Variants in TBC1D30 observed in about 807,000 individuals in gnomAD.
TBC1D30 encodes the protein TBC1 domain family, member 30.
In TBC1D30, 31 loss-of-function variants were observed where a neutral mutation model predicts 63.2. The ratio of observed to expected loss-of-function variants is 0.49; its 90% confidence interval spans 0.37 to 0.66. The LOEUF (loss-of-function observed/expected upper bound fraction) is 0.66. Ranked by LOEUF, TBC1D30 falls within the 30% of genes least tolerant of loss-of-function variation. TBC1D30 has a pLI of 0.00. For synonymous variants in TBC1D30, 307 were observed against 361.5 expected (o/e 0.85, Z 1.71); for missense variants, 810 against 953.6 (o/e 0.85, Z 1.98).
intron 8 of TBC1D30, among the ~76,000 whole-genome samples, chr12:64,848,962 C>A (rs7488992): frequency 0.072 from 10,923 of 152,194 alleles, 751 homozygotes; most frequent in African/African-American, 0.18. Context: ...TTAATGATTG[C>A]CATTCTAACT....
intron 9 of TBC1D30, 132 bp from the exon 10 acceptor site, chr12:64,866,632 G>T (rs1011389317): frequency 1.6e-5 from 14 of 887,696 alleles, no homozygotes; most frequent in Non-Finnish European, 2.2e-5. Flanking sequence ...CAGAGATGGG[G>T]TTTCACAATG....
At chr12:64,783,770 G>A (rs1014157375) in intron 1 of TBC1D30, among the ~76,000 whole-genome samples, 5 of 150,848 alleles carry the variant, frequency 3.3e-5, no homozygotes, top group Non-Finnish European at 7.4e-5. Context: ...TTTTGTGGAG[G>A]AAAAGTATAA....
rs1342867614 is a variant in TBC1D30, at chr12:64,836,504, T to G, written c.609T>G (p.Leu203=). Residue 203 remains leucine (L), a synonymous_variant, in exon 6 of 12, where the codon CTT becomes CTG. Coordinates refer to ENST00000539867, the MANE Select transcript of TBC1D30 (RefSeq NM_015279.2). ...TTTTTCTTTAGATTATGATTTACCT[T>G]ATTGATAAGGTACTTCCCGAAAGCT... is the stretch of plus-strand genomic sequence containing the variant. ...EGDALKIMIY[L]IDKVLPESYF... 6.5e-7 allele frequency: 1 copy of G among 1,535,776 alleles called. No individual in the cohort carries two copies. The highest frequency in any genetic ancestry group is 8.7e-7 in the Non-Finnish European group (1 of 1,146,680).
upstream of TBC1D30, among the ~76,000 whole-genome samples, chr12:64,821,411 G>C (rs952850656): frequency 6.6e-6 from 1 of 152,196 alleles, no homozygotes; most frequent in Non-Finnish European, 1.5e-5. Flanking sequence ...GTAGAACAGA[G>C]CTGATTGCTT....
rs531393503 is a variant in TBC1D30 at position 64,860,958 on chromosome 12, G to A, written c.1039-3710G>A. ...GAAGAATAAGGCAACATCTCATTTC[G>A]CTTACAGTTTAAACGTTGCCAGAAG... On this transcript the variant is annotated intron_variant, in intron 8 of 11. Transcript: ENST00000539867. Among the ~76,000 whole-genome samples the A allele has an allele frequency of 7.9e-5, 12 of 152,294 alleles. No homozygotes were observed. The South Asian group carries it at 8.3e-4, about 11-fold the overall frequency.
intron 11 of TBC1D30, among the ~76,000 whole-genome samples, chr12:64,874,718 T>A (rs1488165692): frequency 2.0e-5 from 3 of 152,042 alleles, no homozygotes. Context: ...AAAAAAAAAA[T>A]TAGGGAGTCC....
At chr12:64,844,156 T>G (rs1233750755) in intron 8 of TBC1D30, among the ~76,000 whole-genome samples, 1 of 152,198 alleles carries the variant, frequency 6.6e-6, no homozygotes, top group Non-Finnish European at 1.5e-5. Context: ...TAAAAAAGAT[T>G]ATTCTCATCA....
At chr12:64,851,198 T>C (rs896222253) in intron 8 of TBC1D30, among the ~76,000 whole-genome samples, 12 of 151,332 alleles carry the variant, frequency 7.9e-5, no homozygotes, top group African/African-American at 2.9e-4. Flanking sequence ...TCTGTCTATT[T>C]TGTTAATCTT....
intron 2 of TBC1D30, among the ~76,000 whole-genome samples, chr12:64,805,078 G>A (rs535261739): frequency 6.6e-6 from 1 of 152,112 alleles, no homozygotes; most frequent in South Asian, 2.1e-4. Context: ...GGCGGGGCCT[G>A]TAATCCCAGC....
upstream of TBC1D30, chr12:64,824,473 A>T: frequency 5.8e-6 from 1 of 173,548 alleles, no homozygotes; most frequent in East Asian, 1.6e-4. Context: ...CCCCGAACGC[A>T]GTTACGCGCC....
At chr12:64,870,577 C>T in intron 10 of TBC1D30, 25 bp from the exon 11 acceptor site, 3 of 1,532,366 alleles carry the variant, frequency 2.0e-6, no homozygotes, top group Non-Finnish European at 2.6e-6. Flanking sequence ...CGACCATCTC[C>T]TTATGTCTCA....
At chr12:64,796,844 C>T (rs1565645965) in intron 2 of TBC1D30, among the ~76,000 whole-genome samples, 1 of 151,920 alleles carries the variant, frequency 6.6e-6, no homozygotes, top group African/African-American at 2.4e-5. Flanking sequence ...TTCTTTTATA[C>T]GAAGTGTAAA....
At chr12:64,861,169 G>T (rs1283949904) in intron 8 of TBC1D30, among the ~76,000 whole-genome samples, 1 of 152,198 alleles carries the variant, frequency 6.6e-6, no homozygotes, top group Non-Finnish European at 1.5e-5. Flanking sequence ...TCTGCGTGAA[G>T]ATGAACTAAG....
rs146935911 is a variant in TBC1D30, at chr12:64,843,232, C to T, written c.933-148C>T. The T allele has an allele frequency of 2.0e-5, 13 of 640,626 alleles. No individual in the cohort carries two copies. The African/African-American group carries it at 2.4e-4, about 12-fold the overall frequency. 39.7% of individuals were successfully genotyped at this position (640,626 alleles called of 1,614,324 possible). On this transcript the variant is annotated intron_variant, in intron 7 of 11. Coordinates refer to ENST00000539867, the MANE Select transcript of TBC1D30 (RefSeq NM_015279.2). ...CTGCATTGAGGCTCCTGGCCTCAAGCAATCCTCCCGCCCCAGCCTCCCAGA... is the reference window on the plus strand; with the variant it reads ...CTGCATTGAGGCTCCTGGCCTCAAGTAATCCTCCCGCCCCAGCCTCCCAGA...
intron 7 of TBC1D30, among the ~76,000 whole-genome samples, chr12:64,840,372 T>C (rs1875764998): frequency 6.6e-6 from 1 of 152,194 alleles, no homozygotes; most frequent in African/African-American, 2.4e-5. Flanking sequence ...ATTGCCTTTG[T>C]GTTGGTTCTT....
At position 64,854,003 on chromosome 12, in the gene TBC1D30, G is replaced by A. The variant is rs576055564; in HGVS notation, c.1038+10518G>A. 1.2e-4 allele frequency among the ~76,000 whole-genome samples: 19 copies of A among 152,278 alleles called. 1 individual carries two copies. The highest frequency in any genetic ancestry group is 3.4e-4 in the African/African-American group (14 of 41,546). Reference sequence around the variant, plus strand: ...GTGAAGTGTGTTTCTTGTAGGAAACGGATCATTGGGTCCTATTTTTTCATC... The same window carrying A: ...GTGAAGTGTGTTTCTTGTAGGAAACAGATCATTGGGTCCTATTTTTTCATC... On this transcript the variant is annotated intron_variant, in intron 8 of 11. Coordinates refer to ENST00000539867, the MANE Select transcript of TBC1D30 (RefSeq NM_015279.2).
At chr12:64,839,487 C>A (rs184739613) in intron 7 of TBC1D30, among the ~76,000 whole-genome samples, 3 of 152,096 alleles carry the variant, frequency 2.0e-5, no homozygotes, top group Non-Finnish European at 4.4e-5. Context: ...TTTTGGGTAA[C>A]GGAAGAAGCA....
At chr12:64,802,388 A>C (rs1872626431) in intron 2 of TBC1D30, among the ~76,000 whole-genome samples, 1 of 152,038 alleles carries the variant, frequency 6.6e-6, no homozygotes, top group Non-Finnish European at 1.5e-5. Context: ...CTGTTACCCG[A>C]GATGGCCAGC....
chr12:64,802,540 C>T (rs561287616), intron 2 of TBC1D30, among the ~76,000 whole-genome samples: 23 of 152,120 alleles, frequency 1.5e-4, no homozygotes, highest in Non-Finnish European at 2.8e-4. Flanking sequence ...GGTACATGTG[C>T]ACAACATACA....
Sources: gnomAD v4.1 joint callset for allele counts (sites outside exome capture counted in the v4.1 genomes callset) on GRCh38, gnomAD v4.1.1 for gene constraint, MANE v1.5 for transcripts, NCBI Gene and HGNC (gene_info 2026-07-23, HGNC 2026-07-21) for gene names.